Variants in ASB3 observed in about 807,000 individuals in gnomAD.
The protein encoded by ASB3 is ankyrin repeat and SOCS box protein 3.
Under a neutral mutation model 54.5 loss-of-function variants are expected in ASB3, and 41 were observed. The observed-to-expected ratio is 0.75, with a 90% CI of 0.59 to 0.98. The LOEUF (loss-of-function observed/expected upper bound fraction) is 0.98, where lower values mean the gene tolerates loss of function less well. ASB3 is among the 50% of genes least tolerant of loss of function. The pLI is 0.00. For synonymous variants in ASB3, 266 were observed against 221.2 expected (o/e 1.20, Z -1.80); for missense variants, 733 against 620.0 (o/e 1.18, Z -1.94).
intron 2 of ASB3, among the ~76,000 whole-genome samples, chr2:53,758,364 C>T (rs533445397): frequency 4.6e-5 from 7 of 152,282 alleles, no homozygotes; most frequent in African/African-American, 1.2e-4. Context: ...ATAATTAGGG[C>T]GTATTCCTAC....
At chr2:53,763,820 T>C (rs1447343112) in intron 2 of ASB3, among the ~76,000 whole-genome samples, 3 of 152,242 alleles carry the variant, frequency 2.0e-5, no homozygotes, top group East Asian at 3.8e-4. Context: ...TCAAGCTTTA[T>C]AGTTAACTTC....
Position 53,693,910 on chromosome 2 carries a change from T to C in ASB3, c.1343A>G (p.Asn448Ser), listed in dbSNP as rs370438766. ...VERMLSARAS[N>S]AWILQQHIAT... ...AATATGTTGCTGTAGAATCCAAGCG[T>C]TTGAGGCACGAGCAGAGAGCATCCT... The change falls in exon 9 of 10, where the codon AAC (asparagine) becomes AGC (serine). Residue 448 changes from asparagine to serine, a missense_variant. Physicochemically the swap from Asn to Ser is conservative, Grantham distance 46. Transcript: ENST00000263634. 6.2e-7 allele frequency: 1 copy of C among 1,613,344 alleles called. No homozygotes were observed. Among genetic ancestry groups the C allele is most frequent in the Non-Finnish European group, 8.5e-7 (1 of 1,179,558 alleles).
At chr2:53,749,310 A>G (rs1672395191) in intron 3 of ASB3, among the ~76,000 whole-genome samples, 1 of 152,104 alleles carries the variant, frequency 6.6e-6, no homozygotes, top group African/African-American at 2.4e-5. Flanking sequence ...AAAAGCTGGC[A>G]ATAGCAAATG....
intron 9 of ASB3, among the ~76,000 whole-genome samples, chr2:53,692,790 A>G (rs1295733925): frequency 1.3e-5 from 2 of 152,152 alleles, no homozygotes; most frequent in African/African-American, 4.8e-5. Flanking sequence ...TTTGTTCTCT[A>G]CTGCTGCAGA....
intron 9 of ASB3, among the ~76,000 whole-genome samples, chr2:53,688,286 G>T (rs191175185): frequency 1.1e-4 from 17 of 152,292 alleles, no homozygotes; most frequent in African/African-American, 3.9e-4. Flanking sequence ...TCCTCTGCAG[G>T]TCAGGCAATT....
At chr2:53,680,472 T>A (rs1558512537) in intron 9 of ASB3, among the ~76,000 whole-genome samples, 1 of 152,254 alleles carries the variant, frequency 6.6e-6, no homozygotes, top group Admixed American at 6.5e-5. Flanking sequence ...GTGGTTTTGA[T>A]TTGGATTTCT....
chr2:53,685,185 T>A (rs1042415490), intron 9 of ASB3, among the ~76,000 whole-genome samples: 3 of 152,156 alleles, frequency 2.0e-5, no homozygotes, highest in African/African-American at 7.2e-5. Context: ...CACATTTTAT[T>A]TAACAGTGAT....
chr2:53,774,148 G>A lies in ASB3; in HGVS notation c.-13-8563C>T, dbSNP rs755017359. On this transcript the variant is annotated intron_variant, in intron 1 of 9. Coordinates refer to ENST00000263634, the MANE Select transcript of ASB3 (RefSeq NM_016115.5). Reference sequence around the variant, plus strand: ...TCTTTTCATTTTTCAACAGGGATGTGTATGGGGTGTTGCTTACAGATTGCC... The same window carrying A: ...TCTTTTCATTTTTCAACAGGGATGTATATGGGGTGTTGCTTACAGATTGCC... 3.7e-6 allele frequency: 6 copies of A among 1,603,610 alleles called. No homozygotes were observed. The highest frequency in any genetic ancestry group is 4.3e-6 in the Non-Finnish European group (5 of 1,175,936).
intron 2 of ASB3, among the ~76,000 whole-genome samples, chr2:53,759,406 A>T (rs1405958827): frequency 6.6e-6 from 1 of 152,224 alleles, no homozygotes; most frequent in Non-Finnish European, 1.5e-5. Context: ...GACTCTATTG[A>T]GGGCCAACTA....
At chr2:53,757,425 G>T (rs1033681192) in intron 2 of ASB3, among the ~76,000 whole-genome samples, 8 of 152,232 alleles carry the variant, frequency 5.3e-5, no homozygotes, top group African/African-American at 1.9e-4. Flanking sequence ...TTGAGATCAT[G>T]GCGCAGCCGA....
At chr2:53,724,591 T>C (rs2103883858) in intron 5 of ASB3, among the ~76,000 whole-genome samples, 1 of 145,768 alleles carries the variant, frequency 6.9e-6, no homozygotes, top group South Asian at 2.2e-4. Context: ...ATAGCAAGAC[T>C]CCATTTCAAA....
chr2:53,730,813 TC>T (rs895940777), intron 3 of ASB3, among the ~76,000 whole-genome samples: 2 of 152,338 alleles, frequency 1.3e-5, no homozygotes, highest in Admixed American at 1.3e-4. Context: ...GATTTTTTTT[TC>T]ATTTCAATCA....
chr2:53,775,022 C>G (rs1674234676), intron 1 of ASB3: 1 of 152,518 alleles, frequency 6.6e-6, no homozygotes, highest in South Asian at 2.1e-4. Context: ...CCTTGTTATT[C>G]AAGTATTAAA....
At chr2:53,707,772 G>C (rs574728790) in intron 7 of ASB3, among the ~76,000 whole-genome samples, 1 of 152,006 alleles carries the variant, frequency 6.6e-6, no homozygotes, top group South Asian at 2.1e-4. Context: ...GACCAGCTTG[G>C]CCAACATGGT....
At chr2:53,716,813 G>T in intron 5 of ASB3, 70 bp from the exon 6 acceptor site, 1 of 1,492,228 alleles carries the variant, frequency 6.7e-7, no homozygotes, top group South Asian at 1.4e-5. Context: ...AATTTCAAAG[G>T]AACTACCATA....
At position 53,702,949 on chromosome 2, in the gene ASB3, A is replaced by G. The variant is rs375000203; in HGVS notation, c.981-2421T>C. Among the ~76,000 whole-genome samples, 4 of 152,336 alleles carry G rather than the reference A, an allele frequency of 2.6e-5. No individual in the cohort carries two copies. In the East Asian group the frequency reaches 5.8e-4, roughly 22 times the overall value. On this transcript the variant is annotated intron_variant, in intron 7 of 9. Coordinates refer to ENST00000263634, the MANE Select transcript of ASB3 (RefSeq NM_016115.5). ...AATGGCTTTCGACCATTAGCTGAAAACAAGATGAAGACATTCAGTTTTGTC... is the reference window on the plus strand; with the variant it reads ...AATGGCTTTCGACCATTAGCTGAAAGCAAGATGAAGACATTCAGTTTTGTC...
intron 1 of ASB3, among the ~76,000 whole-genome samples, chr2:53,779,251 A>G (rs1674517460): frequency 6.6e-6 from 1 of 152,050 alleles, no homozygotes; most frequent in Admixed American, 6.6e-5. Flanking sequence ...CTTTCTATAG[A>G]GTTATTTGAG....
In ASB3 at chr2:53,779,002, A is replaced by G. The variant is rs367633157; in HGVS notation, c.-14+7819T>C. The stretch of plus-strand genomic sequence containing the variant: ...GTTGTACTAATTTACATTGCCATTA[A>G]CAGTGTACAGAGGTTCCCCTTTCTC... On this transcript the variant is annotated intron_variant, in intron 1 of 9. Coordinates refer to ENST00000263634, the MANE Select transcript of ASB3 (RefSeq NM_016115.5). 1.8e-4 allele frequency among the ~76,000 whole-genome samples: 28 copies of G among 152,328 alleles called. No homozygotes were observed. The East Asian group carries it at 2.9e-3, about 16-fold the overall frequency.
At chr2:53,699,903 A>G (rs1217276371) in intron 8 of ASB3, among the ~76,000 whole-genome samples, 1 of 152,218 alleles carries the variant, frequency 6.6e-6, no homozygotes, top group Non-Finnish European at 1.5e-5. Context: ...CGGCAGGACT[A>G]TTCAGTCTGG....
Sources: allele counts gnomAD v4.1 joint callset (sites outside exome capture counted in the v4.1 genomes callset), GRCh38; gene constraint gnomAD v4.1.1; transcripts MANE v1.5; gene names NCBI Gene and HGNC (gene_info 2026-07-23, HGNC 2026-07-21).